Variants in PAM observed in about 807,000 individuals in gnomAD.
PAM encodes the protein peptidyl-glycine alpha-amidating monooxygenase.
A neutral mutation model predicts 122.1 loss-of-function variants in PAM; 72 were observed. The observed-to-expected ratio is 0.59, with a 90% CI of 0.49 to 0.72. The LOEUF (loss-of-function observed/expected upper bound fraction) is 0.72, where lower values mean the gene tolerates loss of function less well. PAM is among the 30% of genes least tolerant of loss of function. The pLI is 0.00. For synonymous variants in PAM, 389 were observed against 404.4 expected, an observed-to-expected ratio of 0.96 and a Z score of 0.46; for missense variants, 1,106 against 1,183.7, an observed-to-expected ratio of 0.93 and a Z score of 0.96.
intron 1 of PAM, among the ~76,000 whole-genome samples, chr5:102,783,932 T>C (rs1215046377): frequency 1.3e-5 from 2 of 151,058 alleles, no homozygotes; most frequent in Admixed American, 1.3e-4. Context: ...AGTCTCGCTC[T>C]GTCACCCAGG....
At chr5:102,869,114 T>A (rs186901811) in intron 3 of PAM, among the ~76,000 whole-genome samples, 1 of 152,242 alleles carries the variant, frequency 6.6e-6, no homozygotes, top group Non-Finnish European at 1.5e-5. Flanking sequence ...TCTCTGAGAC[T>A]ATGTGATTCC....
intron 14 of PAM, among the ~76,000 whole-genome samples, chr5:102,968,093 G>A (rs141133346): frequency 9.1e-4 from 138 of 152,186 alleles, no homozygotes; most frequent in Middle Eastern, 3.4e-3. Context: ...CAGTTTGCAC[G>A]TTTCTTGTGT....
At chr5:102,853,887 C>A (rs1781944467) in intron 1 of PAM, among the ~76,000 whole-genome samples, 1 of 152,198 alleles carries the variant, frequency 6.6e-6, no homozygotes, top group Non-Finnish European at 1.5e-5. Context: ...CTTACGTGTA[C>A]TATTGGTTTG....
intron 11 of PAM, among the ~76,000 whole-genome samples, chr5:102,950,416 G>GGTGGGTGTGTGTGTGTGTGTGTGTGT (rs1554134181): frequency 6.9e-6 from 1 of 145,966 alleles, no homozygotes; most frequent in African/African-American, 2.6e-5. Flanking sequence ...TATGTGGGTG[G>GGTGGGTGTGTGTGTGTGTGTGTGTGT]GTGTGTGTGT....
At chr5:102,930,919 A>G (rs1236881417) in intron 7 of PAM, among the ~76,000 whole-genome samples, 3 of 152,246 alleles carry the variant, frequency 2.0e-5, no homozygotes, top group South Asian at 2.1e-4. Flanking sequence ...GATAGTATGT[A>G]TGGTACCAGG....
intron 1 of PAM, among the ~76,000 whole-genome samples, chr5:102,773,610 G>T (rs760778968): frequency 6.6e-6 from 1 of 152,106 alleles, no homozygotes; most frequent in Non-Finnish European, 1.5e-5. Flanking sequence ...GAAACAGTGA[G>T]CAGGGCATTT....
intron 18 of PAM, 95 bp from the exon 19 acceptor site, chr5:103,006,706 T>C (rs1779089931): frequency 2.6e-6 from 2 of 771,462 alleles, no homozygotes; most frequent in Non-Finnish European, 4.4e-6. Context: ...TGGGAGCTTC[T>C]ACTCCAATTG....
At chr5:102,894,145 C>T (rs552239243) in intron 3 of PAM, among the ~76,000 whole-genome samples, 2 of 151,468 alleles carry the variant, frequency 1.3e-5, no homozygotes, top group African/African-American at 4.8e-5. Flanking sequence ...CCATGGACAG[C>T]GAGTGTGGCT....
At chr5:102,885,389 T>A (rs1792722481) in intron 3 of PAM, among the ~76,000 whole-genome samples, 1 of 151,998 alleles carries the variant, frequency 6.6e-6, no homozygotes, top group African/African-American at 2.4e-5. Flanking sequence ...TGGACATCTT[T>A]AAAATATTTT....
At chr5:102,990,048 G>A in intron 15 of PAM, 1 of 317,804 alleles carries the variant, frequency 3.1e-6, no homozygotes, top group Non-Finnish European at 5.7e-6. Context: ...CTTATCAAAA[G>A]GAGAAGAAAA....
chr5:102,925,725 A>T (rs1749195016), intron 6 of PAM, among the ~76,000 whole-genome samples: 1 of 152,114 alleles, frequency 6.6e-6, no homozygotes, highest in Non-Finnish European at 1.5e-5. Flanking sequence ...GTTTGAAACT[A>T]ACAGGGAGGT....
chr5:102,926,171 TGCAAG>T (rs1561911118), intron 6 of PAM, among the ~76,000 whole-genome samples: 11 of 152,142 alleles, frequency 7.2e-5, no homozygotes, highest in Admixed American at 1.3e-4. Flanking sequence ...CTCGGCTCAC[TGCAAG>T]CTCCGCTTCC....
chr5:102,761,858 G>A (rs951694855), intron 1 of PAM, among the ~76,000 whole-genome samples: 5 of 152,124 alleles, frequency 3.3e-5, no homozygotes, highest in African/African-American at 1.2e-4. Context: ...AAAACTTTTT[G>A]TAGGTTATAT....
intron 4 of PAM, among the ~76,000 whole-genome samples, chr5:102,911,283 T>C (rs547283695): frequency 2.0e-3 from 304 of 152,066 alleles, no homozygotes; most frequent in African/African-American, 6.5e-3. Context: ...TCTAATATAC[T>C]TAGCATTTAA....
At chr5:102,862,833 C>A (rs752440977) in intron 1 of PAM, among the ~76,000 whole-genome samples, 3 of 152,122 alleles carry the variant, frequency 2.0e-5, no homozygotes, top group Non-Finnish European at 2.9e-5. Context: ...TTTCACACAG[C>A]TAATAAATAG....
intron 1 of PAM, among the ~76,000 whole-genome samples, chr5:102,844,115 C>G (rs1334537109): frequency 6.6e-6 from 1 of 152,118 alleles, no homozygotes; most frequent in Non-Finnish European, 1.5e-5. Context: ...TGTAAGGAGG[C>G]TCAGCAGTAA....
chr5:102,916,665 G>T (rs1352548603), intron 5 of PAM, among the ~76,000 whole-genome samples: 6 of 144,850 alleles, frequency 4.1e-5, no homozygotes, highest in East Asian at 2.0e-4. Context: ...TATATATAAA[G>T]ATTATAATAC....
chr5:102,967,861 T>A (rs1394405869), intron 14 of PAM, among the ~76,000 whole-genome samples: 5 of 151,996 alleles, frequency 3.3e-5, no homozygotes, highest in Admixed American at 3.3e-4. Context: ...TAGCTGGGAT[T>A]ACAGGTGCCC....
intron 1 of PAM, among the ~76,000 whole-genome samples, chr5:102,787,207 G>A (rs981922113): frequency 6.6e-6 from 1 of 152,066 alleles, no homozygotes; most frequent in African/African-American, 2.4e-5. Flanking sequence ...TTCAAGTGGG[G>A]TTGGGAGCTG....
Sources: gnomAD v4.1 joint callset for allele counts (sites outside exome capture counted in the v4.1 genomes callset) on GRCh38, gnomAD v4.1.1 for gene constraint, MANE v1.5 for transcripts, NCBI Gene and HGNC (gene_info 2026-07-23, HGNC 2026-07-21) for gene names.